Variants in SPTBN5 observed in about 807,000 individuals in gnomAD.
SPTBN5 encodes the protein spectrin beta, non-erythrocytic 5, also known as spectrin beta chain, non-erythrocytic 5.
SPTBN5 carries 513 observed loss-of-function variants against 477.6 expected under a neutral mutation model. The ratio of observed to expected loss-of-function variants is 1.07; its 90% confidence interval spans 1.00 to 1.16. The LOEUF (loss-of-function observed/expected upper bound fraction) is 1.16, where lower values mean the gene tolerates loss of function less well. Among genes scored for constraint, SPTBN5 ranks in the 50% most tolerant of loss-of-function variants. SPTBN5 has a pLI of 0.00. For missense variants in SPTBN5, 5,062 were observed against 4,731.8 expected, an observed-to-expected ratio of 1.07 and a Z score of -2.05; for synonymous variants, 2,169 against 2,011.7, an observed-to-expected ratio of 1.08 and a Z score of -2.09.
rs368879824 is a variant in SPTBN5, at chr15:41,882,653, G to C, written c.1978C>G (p.Gln660Glu). Reference sequence around the variant, plus strand: ...CCCAGGGCCGCATTCCCCACCCGCTGTCCGCACTCCTTCAGCCAGGCTTCC... The same window carrying C: ...CCCAGGGCCGCATTCCCCACCCGCTCTCCGCACTCCTTCAGCCAGGCTTCC... ...EEEAWLKECGQRVGNAALGRD... is the reference protein window; with the variant it reads ...EEEAWLKECGERVGNAALGRD... The change falls in exon 10 of 68, where the codon CAG (glutamine) becomes GAG (glutamate). Residue 660 changes from glutamine to glutamate, a missense_variant. By Grantham distance (29) the Gln-to-Glu change is conservative. Coordinates refer to ENST00000320955, the MANE Select transcript of SPTBN5 (RefSeq NM_016642.4). 6 of 1,607,990 alleles carry C rather than the reference G, an allele frequency of 3.7e-6. No homozygotes were observed. The highest frequency in any genetic ancestry group is 5.1e-6 in the Non-Finnish European group (6 of 1,177,828).
intron 36 of SPTBN5, 116 bp downstream of exon 36, chr15:41,866,843 G>A: frequency 7.5e-7 from 1 of 1,325,828 alleles, no homozygotes; most frequent in Non-Finnish European, 1.0e-6. Flanking sequence ...ACAGCCTCTG[G>A]GAAAGCCATC....
Position 41,853,349 on chromosome 15 carries a change from C to G in SPTBN5, c.10079G>C (p.Gly3360Ala), listed in dbSNP as rs1024210628. ...EQLLGQHEEL[G>A]QEIRECRLQA... ...AAGGCGGCACTCCCTGATTTCTTGC[C>G]CCAGCTCTTCATGCTGCCCAAGGAG... is the stretch of plus-strand genomic sequence containing the variant. The change falls in exon 59 of 68, where the codon GGG (glycine) becomes GCG (alanine). Residue 3360 changes from glycine to alanine, a missense_variant. Gly to Ala is a moderately conservative substitution (Grantham distance 60). Coordinates refer to ENST00000320955, the MANE Select transcript of SPTBN5 (RefSeq NM_016642.4). 1.9e-6 allele frequency: 3 copies of G among 1,612,682 alleles called. No homozygotes were observed. The African/African-American group carries it at 4.0e-5, about 22-fold the overall frequency.
At chr15:41,851,736 G>A (rs761172344) in intron 63 of SPTBN5, 43 bp downstream of exon 63, 3 of 1,488,212 alleles carry the variant, frequency 2.0e-6, no homozygotes, top group East Asian at 2.3e-5. Context: ...AAGTGCTGCT[G>A]CAAGTGGGGA....
At position 41,883,328 on chromosome 15, in the gene SPTBN5, C is replaced by T. The variant is rs115182931; in HGVS notation, c.1659+20G>A. The stretch of plus-strand genomic sequence containing the variant: ...CCCACCTTGCTGTGTTTCCCAAGGG[C>T]CTGCTGGTCCAGTGCCCACCTGCAG... On this transcript the variant is annotated intron_variant, in intron 8 of 67. Transcript: ENST00000320955. The T allele has an allele frequency of 1.4e-3, 2,306 of 1,611,468 alleles. 33 individuals carry two copies. In the African/African-American group the frequency reaches 0.027, roughly 19 times the overall value.
At position 41,886,211 on chromosome 15, in the gene SPTBN5, G is replaced by A; in HGVS notation, c.1044C>T (p.Phe348=). ...GCTTCTCCTGGGTGCGGAAGATGGT[G>A]AATGCTGCCAGTAGCTGCCGCATGG... ...LPAMRQLLAA[F]TIFRTQEKPP... is the part of the protein sequence containing the mutation. The change falls in exon 7 of 68, where the codon TTC becomes TTT. Residue 348 remains phenylalanine, a synonymous_variant. Transcript: ENST00000320955. 1.2e-6 allele frequency: 2 copies of A among 1,613,090 alleles called. No homozygotes were observed. Among genetic ancestry groups the A allele is most frequent in the Non-Finnish European group, 1.7e-6 (2 of 1,179,898 alleles).
chr15:41,889,945 A>G lies in SPTBN5; in HGVS notation c.501+144T>C, dbSNP rs2067258596. ...TCCTGGGTTCTTCACCCATGGTTGGAGAGTGAATATGGACTTTGCAGTTTC... is the reference window on the plus strand; with the variant it reads ...TCCTGGGTTCTTCACCCATGGTTGGGGAGTGAATATGGACTTTGCAGTTTC... On this transcript the variant is annotated intron_variant, in intron 4 of 67. Transcript: ENST00000320955. The G allele has an allele frequency of 3.3e-6, 2 of 611,466 alleles. 1 individual carries two copies. The highest frequency in any genetic ancestry group is 5.4e-5 in the Admixed American group (2 of 37,088). The allele number at this position is 611,466 out of a possible 1,614,324, so 37.9% of individuals were successfully genotyped here.
chr15:41,873,641 T>C, intron 25 of SPTBN5, 33 bp from the exon 26 acceptor site: 1 of 1,529,132 alleles, frequency 6.5e-7, no homozygotes, highest in Non-Finnish European at 8.9e-7. Context: ...ACCTGGAGGA[T>C]CTCAGACAGG....
At position 41,866,490 on chromosome 15, in the gene SPTBN5, C is replaced by T; in HGVS notation, c.6484G>A (p.Glu2162Lys). The T allele has an allele frequency of 1.3e-6, 2 of 1,565,300 alleles. No individual in the cohort carries two copies. Among genetic ancestry groups the T allele is most frequent in the East Asian group, 2.3e-5 (1 of 44,150 alleles). The stretch of plus-strand genomic sequence containing the variant: ...TGGGCCCACGCCTGGATCCAGTCCT[C>T]AGCCTGGTGGGGGTGGGACATGAAT... ...ASFTQAATQA[E>K]DWIQAWAQQL... Residue 2162 changes from glutamate (E) to lysine (K), a missense_variant, in exon 37 of 68, where the codon GAG becomes AAG. Glu to Lys is a moderately conservative substitution (Grantham distance 56). Transcript: ENST00000320955.
chr15:41,882,066 T>C lies in SPTBN5; in HGVS notation c.2327A>G (p.Asp776Gly). 6.4e-7 allele frequency: 1 copy of C among 1,566,996 alleles called. No individual in the cohort carries two copies. The highest frequency in any genetic ancestry group is 8.6e-7 in the Non-Finnish European group (1 of 1,168,030). The change falls in exon 12 of 68, where the codon GAC (aspartate) becomes GGC (glycine). Residue 776 changes from aspartate (D) to glycine (G), a missense_variant. Coordinates refer to ENST00000320955, the MANE Select transcript of SPTBN5 (RefSeq NM_016642.4). ...SSLERASCGQ[D>G]QAAAETLLRR... ...CAGCAGGGTCTCGGCGGCCGCCTGG[T>C]CCTGACCGCAGGACGCTCTCTCCAG...
chr15:41,893,340 A>G lies in SPTBN5; in HGVS notation c.158T>C (p.Met53Thr). The G allele has an allele frequency of 6.2e-7, 1 of 1,613,998 alleles. No homozygotes were observed. Among genetic ancestry groups the G allele is most frequent in the East Asian group, 2.2e-5 (1 of 44,872 alleles). ...GHIRKLQARH[M>T]QMQEKTFTKW... ...GGTGAAAGTCTTCTCCTGCATCTGC[A>G]TGTGCCGGGCCTGTAGCTTGCGAAT... Residue 53 changes from methionine (M) to threonine (T), a missense_variant, in exon 2 of 68, where the codon ATG becomes ACG. By Grantham distance (81) the Met-to-Thr change is moderately conservative. Transcript: ENST00000320955.
intron 7 of SPTBN5, among the ~76,000 whole-genome samples, chr15:41,884,066 A>G (rs962511869): frequency 4.6e-5 from 7 of 152,126 alleles, no homozygotes; most frequent in Admixed American, 1.3e-4. Flanking sequence ...GCTCACTGCC[A>G]GCTCCGCCTC....
Position 41,851,289 on chromosome 15 carries a change from T to A in SPTBN5, c.10737A>T (p.Ala3579=). The A allele has an allele frequency of 1.3e-6, 2 of 1,551,282 alleles. No homozygotes were observed. The highest frequency in any genetic ancestry group is 1.7e-6 in the Non-Finnish European group (2 of 1,147,032). The change falls in exon 64 of 68, where the codon GCA becomes GCT. Residue 3579 remains alanine (A), a synonymous_variant. Transcript: ENST00000320955. ...SLSLFLDERM[A]AEKVASIALL... Reference sequence around the variant, plus strand: ...CCCCTACCCCGCCTGGTACCTCCGCTGCCATCCTCTCATCCAGGAACAGGC... The same window carrying A: ...CCCCTACCCCGCCTGGTACCTCCGCAGCCATCCTCTCATCCAGGAACAGGC...
In SPTBN5 at chr15:41,862,183, G is replaced by A; in HGVS notation, c.7495C>T (p.Pro2499Ser). ...LRAQMDTSPA[P>S]RSPVEARRML... ...CGCCGGGCTTCCACAGGGCTGCGAG[G>A]AGCGGGGCTCGTGTCCATCTGAGCC... Residue 2499 changes from proline (P) to serine (S), a missense_variant, in exon 44 of 68, where the codon CCT becomes TCT. Physicochemically the swap from Pro to Ser is moderately conservative, Grantham distance 74 (BLOSUM62 -1). Coordinates refer to ENST00000320955, the MANE Select transcript of SPTBN5 (RefSeq NM_016642.4). 1 of 1,608,720 alleles carries A rather than the reference G, an allele frequency of 6.2e-7. No individual in the cohort carries two copies. Among genetic ancestry groups the A allele is most frequent in the Non-Finnish European group, 8.5e-7 (1 of 1,177,280 alleles).
At chr15:41,854,577 C>G (rs906722177) in intron 56 of SPTBN5, among the ~76,000 whole-genome samples, 4 of 151,742 alleles carry the variant, frequency 2.6e-5, no homozygotes, top group African/African-American at 9.7e-5. Context: ...GGAGGCAGCC[C>G]CAGCCCAGGA....
chr15:41,882,966 A>T, intron 9 of SPTBN5, 30 bp downstream of exon 9: 1 of 1,519,388 alleles, frequency 6.6e-7, no homozygotes, highest in East Asian at 2.5e-5. Flanking sequence ...AAGTTCTGGG[A>T]AAGGTGGAAG....
chr15:41,882,362 T>C lies in SPTBN5; in HGVS notation c.2154A>G (p.Glu718=), dbSNP rs976122808. Residue 718 remains glutamate, a synonymous_variant, in exon 11 of 68, where the codon GAA becomes GAG. Coordinates refer to ENST00000320955, the MANE Select transcript of SPTBN5 (RefSeq NM_016642.4). ...ACCCTCCCTGAACGGCCTCTGCCCGTTCCCCGGGATCCGGCTGCGTTGGGG... is the reference window on the plus strand; with the variant it reads ...ACCCTCCCTGAACGGCCTCTGCCCGCTCCCCGGGATCCGGCTGCGTTGGGG... ...RRPPTQPDPG[E]RAEAVQGGWQ... is the part of the protein sequence containing the mutation. 15 of 1,535,030 alleles carry C rather than the reference T, an allele frequency of 9.8e-6. No homozygotes were observed. Among genetic ancestry groups the C allele is most frequent in the East Asian group, 7.3e-5 (3 of 40,850 alleles).
rs374325912 is a variant in SPTBN5, at chr15:41,852,302, G to T, written c.10464C>A (p.Leu3488=). 3.1e-5 allele frequency: 49 copies of T among 1,591,612 alleles called. No individual in the cohort carries two copies. Among genetic ancestry groups the T allele is most frequent in the Non-Finnish European group, 4.2e-5 (49 of 1,168,944 alleles). ...QMQKTEMEQE[L]LLQPQELKPG... ...GCTTCAGCTCCTGTGGCTGCAGCAG[G>T]AGCTCCTGTTCCATCTTGGGGAGTG... The change falls in exon 62 of 68, where the codon CTC becomes CTA. Residue 3488 remains leucine, a synonymous_variant. Coordinates refer to ENST00000320955, the MANE Select transcript of SPTBN5 (RefSeq NM_016642.4).
At chr15:41,887,805 A>T (rs1567232859) in intron 5 of SPTBN5, 123 bp downstream of exon 5, 1 of 1,026,192 alleles carries the variant, frequency 9.7e-7, no homozygotes, top group Non-Finnish European at 1.4e-6. Context: ...AGCCCTTTCT[A>T]CATCTGTGTC....
rs751568836 is a variant in SPTBN5 at position 41,880,258 on chromosome 15, A to G, written c.2713T>C (p.Cys905Arg). ...AMALFGFCSSCGELQLWLEKQ... is the reference protein window; with the variant it reads ...AMALFGFCSSRGELQLWLEKQ... ...TCCAGCCACAACTGGAGCTCCCCAC[A>G]GGAACTGCAGAAACCGAACAGGGCC... The change falls in exon 14 of 68, where the codon TGT becomes CGT. Residue 905 changes from cysteine to arginine, a missense_variant. Coordinates refer to ENST00000320955, the MANE Select transcript of SPTBN5 (RefSeq NM_016642.4). The G allele has an allele frequency of 6.2e-7, 1 of 1,607,902 alleles. No individual in the cohort carries two copies. The highest frequency in any genetic ancestry group is 1.1e-5 in the South Asian group (1 of 89,640).
Sources: gnomAD v4.1 joint callset for allele counts (sites outside exome capture counted in the v4.1 genomes callset) on GRCh38, gnomAD v4.1.1 for gene constraint, MANE v1.5 for transcripts, NCBI Gene and HGNC (gene_info 2026-07-23, HGNC 2026-07-21) for gene names.